The following EYS variants were observed in gnomAD, a reference collection of about 807,000 sequenced individuals.
EYS encodes the protein protein eyes shut homolog.
A neutral mutation model predicts 282.1 loss-of-function variants in EYS; 250 were observed. The observed-to-expected ratio is 0.89, with a 90% CI of 0.80 to 0.98. The LOEUF (loss-of-function observed/expected upper bound fraction) is 0.98. Ranked by LOEUF, EYS falls within the 50% of genes least tolerant of loss-of-function variation. The pLI is 0.00. For synonymous variants in EYS, 1,355 were observed against 1,282.9 expected (o/e 1.06, Z -1.20); for missense variants, 4,016 against 3,709.0 (o/e 1.08, Z -2.15).
At chr6:63,963,653 T>G (rs189114209) in intron 35 of EYS, among the ~76,000 whole-genome samples, 1 of 152,318 alleles carries the variant, frequency 6.6e-6, no homozygotes, top group Admixed American at 6.5e-5. Context: ...GGTTTTCATT[T>G]TTTTTCACCC....
intron 14 of EYS, among the ~76,000 whole-genome samples, chr6:64,955,746 C>T (rs923685767): frequency 2.0e-5 from 3 of 152,082 alleles, no homozygotes; most frequent in African/African-American, 7.2e-5. Context: ...GCAACGTCCC[C>T]GGGGGAGCGG....
At chr6:65,333,350 C>G (rs1327982323) in intron 11 of EYS, among the ~76,000 whole-genome samples, 1 of 151,604 alleles carries the variant, frequency 6.6e-6, no homozygotes, top group Non-Finnish European at 1.5e-5. Flanking sequence ...TATCAAGTTA[C>G]TTATTGATTT....
chr6:64,237,715 A>G (rs1378355120), intron 30 of EYS, among the ~76,000 whole-genome samples: 1 of 152,256 alleles, frequency 6.6e-6, no homozygotes, highest in Non-Finnish European at 1.5e-5. Flanking sequence ...ATTCTCAGCT[A>G]GTTCCAAAAT....
rs62418122 is a variant in EYS at position 64,452,131 on chromosome 6, C to A, written c.5645-12779G>T. Among the ~76,000 whole-genome samples the A allele has an allele frequency of 5.9e-5, 9 of 152,142 alleles. No homozygotes were observed. The East Asian group carries it at 1.7e-3, about 29-fold the overall frequency. On this transcript the variant is annotated intron_variant, in intron 26 of 42. Coordinates refer to ENST00000503581, the MANE Select transcript of EYS (RefSeq NM_001142800.2). ...AACCCCTCGTCTCAGCCCAAAATCT[C>A]CTTAAGCTGATAAGCAACTTCAGCA...
intron 12 of EYS, among the ~76,000 whole-genome samples, chr6:65,226,007 A>G (rs1041699048): frequency 1.1e-4 from 17 of 152,148 alleles, no homozygotes; most frequent in African/African-American, 2.6e-4. Context: ...TTACCACTAC[A>G]CTGGAAGTTT....
chr6:64,911,287 C>A (rs958167716), intron 16 of EYS, among the ~76,000 whole-genome samples: 1 of 151,998 alleles, frequency 6.6e-6, no homozygotes, highest in Non-Finnish European at 1.5e-5. Flanking sequence ...TTTCCTGTCT[C>A]ATTCTTGAAA....
intron 33 of EYS, among the ~76,000 whole-genome samples, chr6:64,065,295 C>T (rs1443779032): frequency 6.6e-6 from 1 of 152,146 alleles, no homozygotes; most frequent in Non-Finnish European, 1.5e-5. Flanking sequence ...ATCAGACTAA[C>T]TTATCTAATT....
At chr6:64,216,573 T>C (rs1300348455) in intron 31 of EYS, among the ~76,000 whole-genome samples, 1 of 152,198 alleles carries the variant, frequency 6.6e-6, no homozygotes, top group Non-Finnish European at 1.5e-5. Flanking sequence ...CCCCACATAT[T>C]GCTGATCTTG....
intron 12 of EYS, among the ~76,000 whole-genome samples, chr6:65,144,769 CTTT>C (rs752743873): frequency 6.9e-6 from 1 of 144,802 alleles, no homozygotes. Context: ...AGTTTACTTA[CTTT>C]TTTTTTTTTT....
chr6:65,154,216 G>A (rs1764681922), intron 12 of EYS, among the ~76,000 whole-genome samples: 1 of 151,572 alleles, frequency 6.6e-6, no homozygotes, highest in Non-Finnish European at 1.5e-5. Flanking sequence ...CAAGAATCTT[G>A]AAGCATTTAA....
intron 8 of EYS, among the ~76,000 whole-genome samples, chr6:65,380,262 T>C (rs7764555): frequency 0.46 from 70,143 of 151,874 alleles, 16,261 homozygotes; most frequent in African/African-American, 0.5. Flanking sequence ...GGTACTGGCA[T>C]CAAAATAGAT....
At chr6:64,078,809 T>A (rs115406463) in intron 32 of EYS, among the ~76,000 whole-genome samples, 1 of 152,014 alleles carries the variant, frequency 6.6e-6, no homozygotes, top group Non-Finnish European at 1.5e-5. Flanking sequence ...TTGACTTTTA[T>A]TGGATTTAGA....
intron 29 of EYS, among the ~76,000 whole-genome samples, chr6:64,308,536 C>A (rs1769544619): frequency 6.6e-6 from 1 of 151,918 alleles, no homozygotes; most frequent in African/African-American, 2.4e-5. Context: ...AAATTATGAC[C>A]AGAGAAACCA....
chr6:64,099,511 C>T (rs1772751677), intron 31 of EYS, among the ~76,000 whole-genome samples: 1 of 152,156 alleles, frequency 6.6e-6, no homozygotes, highest in South Asian at 2.1e-4. Flanking sequence ...CACTGTATCA[C>T]AATTCAATCT....
intron 26 of EYS, among the ~76,000 whole-genome samples, chr6:64,490,373 A>G (rs1193924806): frequency 6.6e-6 from 1 of 150,962 alleles, no homozygotes; most frequent in Non-Finnish European, 1.5e-5. Context: ...ATGGTAGTTA[A>G]AAGATAGAAG....
At chr6:65,099,088 A>G (rs1774819344) in intron 12 of EYS, among the ~76,000 whole-genome samples, 1 of 150,756 alleles carries the variant, frequency 6.6e-6, no homozygotes, top group Non-Finnish European at 1.5e-5. Flanking sequence ...AAGAATATAT[A>G]TCTATATATA....
chr6:64,442,328 C>G (rs1362941397), intron 26 of EYS, among the ~76,000 whole-genome samples: 1 of 152,120 alleles, frequency 6.6e-6, no homozygotes, highest in Non-Finnish European at 1.5e-5. Context: ...CAAGAGGTGA[C>G]TTGGGTGCTG....
At chr6:65,636,628 T>G (rs984019127) in intron 2 of EYS, among the ~76,000 whole-genome samples, 9 of 152,116 alleles carry the variant, frequency 5.9e-5, no homozygotes, top group African/African-American at 2.2e-4. Context: ...CATAAAAGAT[T>G]ATCCACTTCT....
At chr6:65,597,376 CAA>C (rs1765445779) in intron 2 of EYS, among the ~76,000 whole-genome samples, 1 of 152,002 alleles carries the variant, frequency 6.6e-6, no homozygotes, top group Non-Finnish European at 1.5e-5. Context: ...TATCATAATT[CAA>C]AGAGTTCACA....
Sources: gnomAD v4.1 joint callset for allele counts (sites outside exome capture counted in the v4.1 genomes callset) on GRCh38, gnomAD v4.1.1 for gene constraint, MANE v1.5 for transcripts, NCBI Gene and HGNC (gene_info 2026-07-23, HGNC 2026-07-21) for gene names.